The following FCHO1 variants were observed in gnomAD, a reference collection of about 807,000 sequenced individuals.
FCHO1 encodes F-BAR domain only protein 1.
In FCHO1, 45 loss-of-function variants were observed where a neutral mutation model predicts 114.4. That is an observed-to-expected ratio of 0.39 (90% CI 0.31 to 0.50). The LOEUF is 0.50. Ranked by LOEUF, FCHO1 falls within the 20% of genes least tolerant of loss-of-function variation. FCHO1 has a pLI of 0.77. For synonymous variants in FCHO1, 480 were observed against 488.9 expected (o/e 0.98, Z 0.24); for missense variants, 1,042 against 1,209.6 (o/e 0.86, Z 2.06).
chr19:17,763,075 G>A (rs1024515011), intron 5 of FCHO1, among the ~76,000 whole-genome samples: 28 of 151,984 alleles, frequency 1.8e-4, no homozygotes, highest in African/African-American at 6.8e-4. Flanking sequence ...CCTCAAAAGA[G>A]GATGATATAA....
rs201033930 is a variant in FCHO1 at position 17,770,824 on chromosome 19, C to T, written c.522C>T (p.Ser174=). 6.2e-7 allele frequency: 1 copy of T among 1,614,114 alleles called. No individual in the cohort carries two copies. Among genetic ancestry groups the T allele is most frequent in the Non-Finnish European group, 8.5e-7 (1 of 1,180,040 alleles). Residue 174 remains serine, a synonymous_variant, in exon 9 of 29, where the codon AGC becomes AGT. Coordinates refer to ENST00000596536, the MANE Select transcript of FCHO1 (RefSeq NM_015122.3). ...CTAAAACCAAGAAGGCGGCAGAGAGCCTGCGGCGCTCAGTGGAAAAATACA... is the reference window on the plus strand; with the variant it reads ...CTAAAACCAAGAAGGCGGCAGAGAGTCTGCGGCGCTCAGTGGAAAAATACA... ...AETKTKKAAE[S]LRRSVEKYNS...
At chr19:17,754,237 GGCCTGACCCA>G (rs777762223) in intron 1 of FCHO1, 70 bp from the exon 2 acceptor site, 9 of 152,278 alleles carry the variant, frequency 5.9e-5, no homozygotes, top group Non-Finnish European at 1.3e-4. Flanking sequence ...CCTGCCGGGC[GGCCTGACCCA>G]GCCTCTTGTG....
chr19:17,763,884 ATAT>A (rs1319303393), intron 5 of FCHO1, among the ~76,000 whole-genome samples: 1 of 151,130 alleles, frequency 6.6e-6, no homozygotes, highest in Admixed American at 6.6e-5. Context: ...TTAATAAAAT[ATAT>A]TACGTAAGAA....
chr19:17,764,684 C>T (rs974934525), intron 6 of FCHO1, among the ~76,000 whole-genome samples: 3 of 152,222 alleles, frequency 2.0e-5, no homozygotes, highest in Admixed American at 2.0e-4. Flanking sequence ...GATAAAACCC[C>T]AGCCACCTTC....
intron 11 of FCHO1, 102 bp downstream of exon 11, chr19:17,772,843 A>G (rs2091930105): frequency 1.2e-6 from 1 of 831,922 alleles, no homozygotes. Flanking sequence ...TTTTATTTTT[A>G]ATAGAGACGA....
rs759300421 is a variant in FCHO1 at position 17,764,482 on chromosome 19, A to G, written c.194+33A>G. On this transcript the variant is annotated intron_variant, in intron 6 of 28. Coordinates refer to ENST00000596536, the MANE Select transcript of FCHO1 (RefSeq NM_015122.3). ...GGGTAGGGGTCACCAACATGGGGAC[A>G]TTGGGAGCCTCCTCCTTGGTGGACA... 3.8e-5 allele frequency: 59 copies of G among 1,557,650 alleles called. No individual in the cohort carries two copies. The Admixed American group carries it at 4.1e-4, about 11-fold the overall frequency.
intron 9 of FCHO1, among the ~76,000 whole-genome samples, chr19:17,771,464 C>A (rs1440155187): frequency 2.0e-5 from 3 of 150,984 alleles, no homozygotes; most frequent in Non-Finnish European, 2.9e-5. Context: ...GTCAGGAGAT[C>A]GAGACTATCC....
Position 17,784,106 on chromosome 19 carries a change from C to T in FCHO1, c.2097C>T (p.Asp699=). The T allele has an allele frequency of 6.2e-7, 1 of 1,613,934 alleles. No individual in the cohort carries two copies. The highest frequency in any genetic ancestry group is 8.5e-7 in the Non-Finnish European group (1 of 1,179,904). ...FQPNADLLFS[D]PSQSDPETKD... is the part of the protein sequence containing the mutation. ...TGATCAGTCCGGGTCTCTGCAGTGA[C>T]CCCTCCCAGAGTGACCCTGAGACCA... Residue 699 remains aspartate (D), a synonymous_variant, in exon 25 of 29, where the codon GAC becomes GAT. Transcript: ENST00000596536. This position sits in a 1 kb window ranked among gnomAD's most constrained non-coding sequence, Gnocchi z 5.3.
rs138329130 is a variant in FCHO1, at chr19:17,774,395, G to T, written c.837G>T (p.Ala279=). 4 of 1,614,036 alleles carry T rather than the reference G, an allele frequency of 2.5e-6. No individual in the cohort carries two copies. In the South Asian group the frequency reaches 4.4e-5, roughly 18 times the overall value. ...EAYSAAALQE[A]MKRLRGAKAF... is the part of the protein sequence containing the mutation. ...AGGTGCCCCCCAATCTATCCTCAGC[G>T]ATGAAACGTTTGCGGGGAGCCAAGG... Residue 279 remains alanine (A), a splice_region_variant and synonymous_variant, in exon 13 of 29, where the codon GCG becomes GCT. Transcript: ENST00000596536.
intron 9 of FCHO1, among the ~76,000 whole-genome samples, 178 bp downstream of exon 9, chr19:17,771,074 C>T (rs891468425): frequency 1.3e-5 from 2 of 151,460 alleles, no homozygotes; most frequent in Non-Finnish European, 2.9e-5. Context: ...GCCAACATGG[C>T]GAAAGCCTGT....
At position 17,784,967 on chromosome 19, in the gene FCHO1, C is replaced by A; in HGVS notation, c.2426+43C>A. On this transcript the variant is annotated intron_variant, in intron 26 of 28. Transcript: ENST00000596536. This position sits in a 1 kb window ranked among gnomAD's most constrained non-coding sequence, Gnocchi z 5.3. ...GCCAAGGAAAACTCAGCAGTTTCCC[C>A]CATAACCCCAGACCTTCTCCCTGAT... 1 of 1,585,146 alleles carries A rather than the reference C, an allele frequency of 6.3e-7. No homozygotes were observed. Among genetic ancestry groups the A allele is most frequent in the East Asian group, 2.2e-5 (1 of 44,742 alleles).
intron 18 of FCHO1, 132 bp from the exon 19 acceptor site, chr19:17,778,005 C>G (rs2092861584): frequency 1.6e-6 from 1 of 635,418 alleles, no homozygotes; most frequent in Non-Finnish European, 2.8e-6. Flanking sequence ...TGCCACTGCA[C>G]TGCAGCCTGG....
intron 20 of FCHO1, 63 bp downstream of exon 20, chr19:17,778,947 C>T (rs1470955793): frequency 1.4e-6 from 2 of 1,446,306 alleles, no homozygotes; most frequent in African/African-American, 1.4e-5. Context: ...TGAGCGCCTG[C>T]TTTGGGCAGG....
intron 3 of FCHO1, 180 bp downstream of exon 3, chr19:17,754,861 G>T: frequency 2.3e-6 from 1 of 430,952 alleles, no homozygotes; most frequent in South Asian, 2.2e-5. Flanking sequence ...GACTCCCTCA[G>T]CTCTTGTCCC....
At position 17,776,489 on chromosome 19, in the gene FCHO1, C is replaced by A; in HGVS notation, c.1208-146C>A. The stretch of plus-strand genomic sequence containing the variant: ...AAGCTAGCATCTGGAGACAGGCTCG[C>A]TTAGGCTTGAATCCATGTCTGCCTG... On this transcript the variant is annotated intron_variant, in intron 17 of 28. Transcript: ENST00000596536. The surrounding 1 kb of genome is among the most constrained non-coding windows in gnomAD (Gnocchi z 4.4). 1 of 1,062,464 alleles carries A rather than the reference C, an allele frequency of 9.4e-7. No individual in the cohort carries two copies. Among genetic ancestry groups the A allele is most frequent in the Non-Finnish European group, 1.4e-6 (1 of 693,174 alleles). The allele number at this position is 1,062,464 out of a possible 1,614,324, so 65.8% of individuals were successfully genotyped here.
At chr19:17,748,315 T>G (rs759724098), upstream of FCHO1, among the ~76,000 whole-genome samples, 53 of 152,088 alleles carry the variant, frequency 3.5e-4, no homozygotes, top group Non-Finnish European at 1.2e-4. Context: ...CTGGAGGAGC[T>G]GGGGTGTCAC....
chr19:17,757,915 CAAAAAA>C (rs71162192), intron 4 of FCHO1, among the ~76,000 whole-genome samples: 1 of 77,916 alleles, frequency 1.3e-5, no homozygotes, highest in Non-Finnish European at 2.3e-5. Flanking sequence ...GACCCTGTCT[CAAAAAA>C]AAAAAAAAAA....
At chr19:17,770,318 A>C (rs1331492461) in intron 7 of FCHO1, 107 bp from the exon 8 acceptor site, 15 of 1,208,886 alleles carry the variant, frequency 1.2e-5, no homozygotes, top group Admixed American at 2.7e-5. Context: ...ACCAAACCAA[A>C]ACACACACAC....
intron 11 of FCHO1, among the ~76,000 whole-genome samples, chr19:17,773,899 C>G (rs1568351294): frequency 1.6e-5 from 1 of 62,962 alleles, no homozygotes; most frequent in Non-Finnish European, 4.0e-5. Flanking sequence ...CTCTCTCTCT[C>G]TCTCTTTTTT....
Sources: gnomAD v4.1 joint callset for allele counts (sites outside exome capture counted in the v4.1 genomes callset) on GRCh38, gnomAD v4.1.1 for gene constraint, Gnocchi (gnomAD v3.1) non-coding constraint, MANE v1.5 for transcripts, NCBI Gene and HGNC (gene_info 2026-07-23, HGNC 2026-07-21) for gene names.